Variants in EPHB2 observed in about 807,000 individuals in gnomAD.
EPHB2 encodes the protein EPH receptor B2, also known as ephrin type-B receptor 2.
In EPHB2, 18 loss-of-function variants were observed where a neutral mutation model predicts 96.4. The ratio of observed to expected loss-of-function variants is 0.19; its 90% CI spans 0.13 to 0.28. The LOEUF is 0.28. EPHB2 is among the 10% of genes least tolerant of loss of function. EPHB2 has a pLI of 1.00. For synonymous variants in EPHB2, 506 were observed against 534.1 expected, an observed-to-expected ratio of 0.95 and a Z score of 0.72; for missense variants, 989 against 1,355.4, an observed-to-expected ratio of 0.73 and a Z score of 4.25.
chr1:22,903,619 A>G (rs1344155941), intron 9 of EPHB2, among the ~76,000 whole-genome samples: 1 of 152,198 alleles, frequency 6.6e-6, no homozygotes, highest in Non-Finnish European at 1.5e-5. Flanking sequence ...CAATTTCCTT[A>G]TGTGTGAAAT....
At chr1:22,861,270 C>A (rs755840116) in intron 3 of EPHB2, among the ~76,000 whole-genome samples, 1 of 152,182 alleles carries the variant, frequency 6.6e-6, no homozygotes, top group African/African-American at 2.4e-5. Flanking sequence ...GCACACTAAC[C>A]ACTATGTTCA....
intron 5 of EPHB2, among the ~76,000 whole-genome samples, chr1:22,872,843 G>T (rs1638717079): frequency 6.6e-6 from 1 of 152,172 alleles, no homozygotes; most frequent in African/African-American, 2.4e-5. Context: ...TCTCTCCCTG[G>T]GGGACCAAGA....
intron 5 of EPHB2, among the ~76,000 whole-genome samples, chr1:22,876,872 G>A (rs553418283): frequency 2.1e-4 from 32 of 152,288 alleles, no homozygotes; most frequent in Middle Eastern, 3.4e-3. Context: ...TCCTTGCCAC[G>A]CCTGGGGTTA....
intron 1 of EPHB2, among the ~76,000 whole-genome samples, chr1:22,736,185 G>A (rs1411788315): frequency 1.3e-5 from 2 of 152,152 alleles, no homozygotes; most frequent in African/African-American, 2.4e-5. Context: ...AGAGCTCATC[G>A]TACACACGGG....
chr1:22,764,702 C>T (rs1644282308), intron 1 of EPHB2, among the ~76,000 whole-genome samples: 1 of 151,612 alleles, frequency 6.6e-6, no homozygotes, highest in Non-Finnish European at 1.5e-5. Context: ...GCCGAGATTG[C>T]ACCACCGCAC....
intron 13 of EPHB2, among the ~76,000 whole-genome samples, chr1:22,909,391 C>A (rs1289149384): frequency 6.6e-6 from 1 of 152,250 alleles, no homozygotes; most frequent in East Asian, 1.9e-4. Flanking sequence ...AAAGGCCACC[C>A]ATCCACACAT....
At chr1:22,761,095 A>C (rs1257554419) in intron 1 of EPHB2, among the ~76,000 whole-genome samples, 1 of 152,100 alleles carries the variant, frequency 6.6e-6, no homozygotes, top group African/African-American at 2.4e-5. Context: ...GAAAATACAG[A>C]TTCCCAGCCA....
intron 1 of EPHB2, among the ~76,000 whole-genome samples, chr1:22,769,355 A>C (rs1644348171): frequency 6.6e-6 from 1 of 152,178 alleles, no homozygotes; most frequent in African/African-American, 2.4e-5. Flanking sequence ...CCAAATCAGT[A>C]AATTTCTTTA....
intron 14 of EPHB2, 67 bp downstream of exon 14, chr1:22,910,642 C>T (rs565787948): frequency 1.3e-6 from 2 of 1,547,224 alleles, no homozygotes; most frequent in Non-Finnish European, 1.7e-6. Context: ...ATCCCTTCTG[C>T]CCCCACTTCA....
intron 3 of EPHB2, among the ~76,000 whole-genome samples, chr1:22,853,628 G>A (rs934269389): frequency 1.3e-5 from 2 of 152,258 alleles, no homozygotes; most frequent in Admixed American, 1.3e-4. Flanking sequence ...GTGGGAGCTG[G>A]GACAGCATAT....
rs1640254380 is a variant in EPHB2 at position 22,915,929 on chromosome 1, C to G, written c.*2359C>G. 6.6e-6 allele frequency: 1 copy of G among 152,444 alleles called. No homozygotes were observed. The highest frequency in any genetic ancestry group is 2.4e-5 in the African/African-American group (1 of 41,456). The allele number at this position is 152,444 out of a possible 1,614,324, so 9.4% of individuals were successfully genotyped here. On this transcript the variant is annotated 3_prime_UTR_variant, in exon 16 of 16. Transcript: ENST00000374630. ...GGCAGCCAGCTAGAAGCGCCACGGT[C>G]AGAGTGAACATCCAGCACAGCACAG...
chr1:22,906,655 G>A lies in EPHB2; in HGVS notation c.1889-55G>A. On this transcript the variant is annotated intron_variant, in intron 10 of 15. Transcript: ENST00000374630. The surrounding 1 kb of genome is among the most constrained non-coding windows in gnomAD (Gnocchi z 4.8). ...AGTGGACATGACAGGGAACAGGAAG[G>A]TGGCCCTTCCACCTGGCAAGTGACA... The A allele has an allele frequency of 1.2e-6, 2 of 1,612,308 alleles. No individual in the cohort carries two copies. Among genetic ancestry groups the A allele is most frequent in the Non-Finnish European group, 1.7e-6 (2 of 1,179,666 alleles).
In EPHB2 at chr1:22,846,967, C is replaced by T. The variant is rs1028592974; in HGVS notation, c.812-16070C>T. ...CCCTAAGCCCAGCCCAGGCACCAGC[C>T]TTGAGGAGGTGAGGCCATGTGATAG... is the stretch of plus-strand genomic sequence containing the variant. On this transcript the variant is annotated intron_variant, in intron 3 of 15. Transcript: ENST00000374630. This position sits in a 1 kb window ranked among gnomAD's most constrained non-coding sequence, Gnocchi z 4.3. 3.9e-5 allele frequency among the ~76,000 whole-genome samples: 6 copies of T among 152,306 alleles called. No homozygotes were observed. The East Asian group carries it at 1.2e-3, about 29-fold the overall frequency.
intron 5 of EPHB2, among the ~76,000 whole-genome samples, chr1:22,876,098 A>C (rs1638827333): frequency 6.6e-6 from 1 of 152,168 alleles, no homozygotes; most frequent in Admixed American, 6.5e-5. Context: ...GAAGCCGCTG[A>C]GGGTCATCAA....
intron 3 of EPHB2, among the ~76,000 whole-genome samples, chr1:22,856,725 T>C (rs1297690981): frequency 6.6e-6 from 1 of 152,132 alleles, no homozygotes; most frequent in Non-Finnish European, 1.5e-5. Flanking sequence ...TAATGGTACC[T>C]AGTTGGGTGG....
chr1:22,804,607 C>A (rs751835419), intron 3 of EPHB2, among the ~76,000 whole-genome samples: 1 of 151,802 alleles, frequency 6.6e-6, no homozygotes, highest in Non-Finnish European at 1.5e-5. Flanking sequence ...CCCCGCCCCA[C>A]CCTGCCCTGC....
chr1:22,912,589 A>G lies in EPHB2; in HGVS notation c.2842A>G (p.Met948Val), dbSNP rs1490727293. 4 of 1,613,876 alleles carry G rather than the reference A, an allele frequency of 2.5e-6. No individual in the cohort carries two copies. Among genetic ancestry groups the G allele is most frequent in the Non-Finnish European group, 3.4e-6 (4 of 1,180,024 alleles). The change falls in exon 15 of 16, where the codon ATG becomes GTG. Residue 948 changes from methionine to valine, a missense_variant. By Grantham distance (21) the Met-to-Val change is conservative. Coordinates refer to ENST00000374630, the MANE Select transcript of EPHB2 (RefSeq NM_017449.5). ...GFTSFDVVSQ[M>V]MMEDILRVGV... ...CACCTCCTTTGACGTCGTGTCTCAG[A>G]TGATGATGGAGTAAGTGCCCAGCCA...
intron 5 of EPHB2, among the ~76,000 whole-genome samples, chr1:22,870,086 G>A (rs1638611134): frequency 6.6e-6 from 1 of 152,090 alleles, no homozygotes; most frequent in Non-Finnish European, 1.5e-5. Flanking sequence ...TGCATTCAGT[G>A]GTCGGTTTTA....
Position 22,789,176 on chromosome 1 carries a change from A to G in EPHB2, c.811+4100A>G, listed in dbSNP as rs182434362. ...TGGGACCTAAGGCCAAAGAAAGGAC[A>G]CTAGCCCAGCCCCAACACCACCCCA... On this transcript the variant is annotated intron_variant, in intron 3 of 15. Coordinates refer to ENST00000374630, the MANE Select transcript of EPHB2 (RefSeq NM_017449.5). Among the ~76,000 whole-genome samples, 787 of 152,328 alleles carry G rather than the reference A, an allele frequency of 5.2e-3. 6 individuals are homozygous for G. The highest frequency in any genetic ancestry group is 0.018 in the African/African-American group (753 of 41,570).
Sources: allele counts gnomAD v4.1 joint callset (sites outside exome capture counted in the v4.1 genomes callset), GRCh38; gene constraint gnomAD v4.1.1; non-coding constraint Gnocchi (gnomAD v3.1); transcripts MANE v1.5; gene names NCBI Gene and HGNC (gene_info 2026-07-23, HGNC 2026-07-21).